RASGRF2: variants seen among roughly 807,000 people sequenced by gnomAD.
RASGRF2 encodes the protein Ras protein specific guanine nucleotide releasing factor 2.
Under a neutral mutation model 151.0 loss-of-function variants are expected in RASGRF2, and 76 were observed. That is an observed-to-expected ratio of 0.50 (90% CI 0.42 to 0.61). The LOEUF (loss-of-function observed/expected upper bound fraction) is 0.61. Ranked by LOEUF, RASGRF2 falls within the 20% of genes least tolerant of loss-of-function variation. RASGRF2 has a pLI of 0.00. For missense variants in RASGRF2, 1,148 were observed against 1,564.6 expected, an observed-to-expected ratio of 0.73 and a Z score of 4.49; for synonymous variants, 504 against 566.5, an observed-to-expected ratio of 0.89 and a Z score of 1.57.
chr5:81,080,068 C>A (rs1752042739), intron 5 of RASGRF2, 53 bp from the exon 6 acceptor site: 8 of 1,556,092 alleles, frequency 5.1e-6, no homozygotes, highest in Non-Finnish European at 6.9e-6. Flanking sequence ...GGATTTTAAA[C>A]AAAATAAACA....
intron 1 of RASGRF2, among the ~76,000 whole-genome samples, chr5:80,995,749 G>GTGGGGTGATCTCATGTCA (rs1748835934): frequency 7.5e-6 from 1 of 134,148 alleles, no homozygotes; most frequent in African/African-American, 2.8e-5. Flanking sequence ...CTGGAGTGCA[G>GTGGGGTGATCTCATGTCA]TGGGGTGATC....
At chr5:81,057,014 A>C (rs1377400944) in intron 2 of RASGRF2, among the ~76,000 whole-genome samples, 1 of 152,008 alleles carries the variant, frequency 6.6e-6, no homozygotes, top group African/African-American at 2.4e-5. Context: ...TTTTGAGCCT[A>C]TGTGTGTCTC....
At chr5:81,009,357 T>G (rs62367373) in intron 1 of RASGRF2, among the ~76,000 whole-genome samples, 1 of 152,046 alleles carries the variant, frequency 6.6e-6, no homozygotes, top group Non-Finnish European at 1.5e-5. Flanking sequence ...TTCTAGAGGG[T>G]AGGAGCCATC....
In RASGRF2 at chr5:81,080,732, C is replaced by G; in HGVS notation, c.1104C>G (p.Ala368=). The G allele has an allele frequency of 6.2e-7, 1 of 1,614,180 alleles. No individual in the cohort carries two copies. Among genetic ancestry groups the G allele is most frequent in the Non-Finnish European group, 8.5e-7 (1 of 1,180,028 alleles). The change falls in exon 7 of 27, where the codon GCC becomes GCG. Residue 368 remains alanine (A), a synonymous_variant. Transcript: ENST00000265080. ...ACAAACTCTTAAAACAGTATGAAGC[C>G]AATCCAGCCTGTGAGGGGAGGATGC... ...DFDKLLKQYE[A]NPACEGRMLE...
At chr5:81,119,285 T>C (rs1561216242) in intron 15 of RASGRF2, among the ~76,000 whole-genome samples, 2 of 152,250 alleles carry the variant, frequency 1.3e-5, no homozygotes, top group African/African-American at 2.4e-5. Context: ...CAGAAATGTA[T>C]CTCTCACAGT....
intron 18 of RASGRF2, among the ~76,000 whole-genome samples, chr5:81,191,149 C>T (rs989483828): frequency 1.3e-5 from 2 of 152,192 alleles, no homozygotes; most frequent in Admixed American, 6.5e-5. Context: ...CTCTCCATCA[C>T]TTCAGAGCTG....
At chr5:81,212,967 C>T (rs1755658977) in intron 23 of RASGRF2, among the ~76,000 whole-genome samples, 1 of 152,192 alleles carries the variant, frequency 6.6e-6, no homozygotes, top group Non-Finnish European at 1.5e-5. Context: ...CTTGCTCATT[C>T]CTGTAGTAGA....
intron 23 of RASGRF2, among the ~76,000 whole-genome samples, chr5:81,214,038 A>G (rs973442888): frequency 2.6e-5 from 4 of 152,166 alleles, no homozygotes; most frequent in Non-Finnish European, 5.9e-5. Flanking sequence ...CACCAGTCTT[A>G]TCCAGATTTC....
At chr5:81,018,728 T>A (rs1257175071) in intron 1 of RASGRF2, among the ~76,000 whole-genome samples, 1 of 151,788 alleles carries the variant, frequency 6.6e-6, no homozygotes. Context: ...GTGAATAACA[T>A]GACCACATAC....
chr5:81,186,382 G>A (rs1279057356), intron 18 of RASGRF2, among the ~76,000 whole-genome samples: 1 of 152,054 alleles, frequency 6.6e-6, no homozygotes, highest in Non-Finnish European at 1.5e-5. Flanking sequence ...TTTTAGTATT[G>A]TTCCCATTGA....
chr5:81,181,262 A>G (rs1754911006), intron 18 of RASGRF2, among the ~76,000 whole-genome samples: 1 of 152,166 alleles, frequency 6.6e-6, no homozygotes, highest in African/African-American at 2.4e-5. Flanking sequence ...CTCGGTAGTG[A>G]CAGTCTGTTC....
intron 17 of RASGRF2, among the ~76,000 whole-genome samples, chr5:81,151,702 G>T (rs990025837): frequency 6.6e-6 from 1 of 152,146 alleles, no homozygotes; most frequent in African/African-American, 2.4e-5. Flanking sequence ...CTCTGACACT[G>T]CTCCAGCCTT....
chr5:81,145,393 A>G (rs1016635222), intron 17 of RASGRF2, among the ~76,000 whole-genome samples: 40 of 152,106 alleles, frequency 2.6e-4, no homozygotes, highest in Admixed American at 3.3e-4. Flanking sequence ...TTTCTCTTGC[A>G]TGGTCTGGTG....
chr5:81,082,167 C>T (rs1419373349), intron 7 of RASGRF2, among the ~76,000 whole-genome samples: 1 of 152,166 alleles, frequency 6.6e-6, no homozygotes, highest in African/African-American at 2.4e-5. Context: ...AACCAGCTTC[C>T]TACCTGACAG....
intron 1 of RASGRF2, among the ~76,000 whole-genome samples, chr5:80,995,031 T>C (rs1211496133): frequency 6.6e-6 from 1 of 151,870 alleles, no homozygotes; most frequent in Non-Finnish European, 1.5e-5. Flanking sequence ...CTGAGGTGGA[T>C]GGATCACGAG....
intron 5 of RASGRF2, among the ~76,000 whole-genome samples, chr5:81,076,588 G>T (rs905085300): frequency 2.0e-5 from 3 of 151,244 alleles, no homozygotes; most frequent in Admixed American, 6.6e-5. Context: ...TGATGGGGCA[G>T]ATGGGAGGGA....
chr5:81,176,545 G>T (rs1561246011), intron 17 of RASGRF2, among the ~76,000 whole-genome samples: 1 of 152,232 alleles, frequency 6.6e-6, no homozygotes, highest in South Asian at 2.1e-4. Flanking sequence ...GGGGTGGGGA[G>T]CATCAGGTTC....
Position 81,009,132 on chromosome 5 carries a change from G to A in RASGRF2, c.289-33745G>A, listed in dbSNP as rs1472627118. On this transcript the variant is annotated intron_variant, in intron 1 of 26. Coordinates refer to ENST00000265080, the MANE Select transcript of RASGRF2 (RefSeq NM_006909.3). ...GTGGGTGATTGTCCTGCCTCTTTCA[G>A]CCTGTTTCCTCATCTGTAAAAGGGG... Among the ~76,000 whole-genome samples the A allele has an allele frequency of 2.0e-5, 3 of 152,184 alleles. No individual in the cohort carries two copies. The East Asian group carries it at 5.8e-4, about 29-fold the overall frequency.
chr5:80,961,165 G>C, intron 1 of RASGRF2, 139 bp downstream of exon 1: 1 of 985,362 alleles, frequency 1.0e-6, no homozygotes, highest in Non-Finnish European at 1.4e-6. Context: ...CACCAGTGGC[G>C]GGACATCTCC....
Sources: allele counts gnomAD v4.1 joint callset (sites outside exome capture counted in the v4.1 genomes callset), GRCh38; gene constraint gnomAD v4.1.1; transcripts MANE v1.5; gene names NCBI Gene and HGNC (gene_info 2026-07-23, HGNC 2026-07-21).